Variants in AOAH observed in about 807,000 individuals in gnomAD.
The protein encoded by AOAH is acyloxyacyl hydrolase, also known as acyloxyacyl hydrolase (neutrophil).
A neutral mutation model predicts 92.2 loss-of-function variants in AOAH; 64 were observed. The ratio of observed to expected loss-of-function variants is 0.69; its 90% CI spans 0.57 to 0.86. The LOEUF is 0.86. Ranked by LOEUF, AOAH falls within the 40% of genes least tolerant of loss-of-function variation. The pLI is 0.00. For missense variants in AOAH, 656 were observed against 694.6 expected (o/e 0.94, Z 0.62); for synonymous variants, 263 against 254.5 (o/e 1.03, Z -0.32).
At chr7:36,609,091 C>A (rs113771486) in intron 11 of AOAH, among the ~76,000 whole-genome samples, 5 of 152,062 alleles carry the variant, frequency 3.3e-5, no homozygotes, top group Admixed American at 6.5e-5. Flanking sequence ...AACCCCAACC[C>A]GGTGAGTCAT....
At chr7:36,603,542 C>G (rs865822011) in intron 11 of AOAH, among the ~76,000 whole-genome samples, 1 of 152,202 alleles carries the variant, frequency 6.6e-6, no homozygotes, top group African/African-American at 2.4e-5. Context: ...AGGGCAGAGG[C>G]TGGCAAACTT....
rs2718179 is a variant in AOAH at position 36,603,656 on chromosome 7, C to T, written c.847-9226G>A. Reference sequence around the variant, plus strand: ...TTGTCATAGACAATATGTAAGTGAACGGGCATCGCTGTGTTCCAATGAAAC... The same window carrying T: ...TTGTCATAGACAATATGTAAGTGAATGGGCATCGCTGTGTTCCAATGAAAC... On this transcript the variant is annotated intron_variant, in intron 11 of 20. Transcript: ENST00000617537. Among the ~76,000 whole-genome samples the T allele has an allele frequency of 1.1e-4, 16 of 152,046 alleles. No homozygotes were observed. In the East Asian group the frequency reaches 2.1e-3, roughly 20 times the overall value.
intron 5 of AOAH, among the ~76,000 whole-genome samples, chr7:36,633,040 G>C (rs1011370783): frequency 6.6e-6 from 1 of 152,144 alleles, no homozygotes; most frequent in African/African-American, 2.4e-5. Flanking sequence ...CCCCAGCTCC[G>C]GGCACACCCT....
chr7:36,580,742 G>A (rs1417544101), intron 12 of AOAH, among the ~76,000 whole-genome samples: 1 of 152,148 alleles, frequency 6.6e-6, no homozygotes, highest in African/African-American at 2.4e-5. Context: ...TGTGCTTGTT[G>A]ACTACAGCCC....
intron 1 of AOAH, among the ~76,000 whole-genome samples, chr7:36,718,393 G>T (rs916801482): frequency 6.6e-6 from 1 of 152,086 alleles, no homozygotes; most frequent in Non-Finnish European, 1.5e-5. Context: ...AAAATAGTTT[G>T]GCAGTTCCTC....
intron 1 of AOAH, among the ~76,000 whole-genome samples, chr7:36,714,543 A>T (rs1391701513): frequency 6.6e-6 from 1 of 152,200 alleles, no homozygotes; most frequent in African/African-American, 2.4e-5. Flanking sequence ...ATTTTAGACC[A>T]ATATCCCTGA....
intron 16 of AOAH, among the ~76,000 whole-genome samples, chr7:36,537,045 AAGG>A (rs1344154283): frequency 6.6e-6 from 1 of 151,570 alleles, no homozygotes; most frequent in Non-Finnish European, 1.5e-5. Context: ...AGTCCTGTCA[AAGG>A]AGGCCTGGGG....
At chr7:36,664,058 A>T (rs1025988693) in intron 3 of AOAH, among the ~76,000 whole-genome samples, 2 of 150,592 alleles carry the variant, frequency 1.3e-5, no homozygotes, top group Non-Finnish European at 3.0e-5. Context: ...TTTTTTTTTT[A>T]AACTGGGTTG....
rs187036418 is a variant in AOAH, at chr7:36,657,985, C to A, written c.390+1181G>T. On this transcript the variant is annotated intron_variant, in intron 4 of 20. Coordinates refer to ENST00000617537, the MANE Select transcript of AOAH (RefSeq NM_001637.4). ...TACACAGAGACCCATTTCTTCCTTGCAATATCAAACAGAAAATATTATGAT... is the reference window on the plus strand; with the variant it reads ...TACACAGAGACCCATTTCTTCCTTGAAATATCAAACAGAAAATATTATGAT... 3.2e-3 allele frequency among the ~76,000 whole-genome samples: 481 copies of A among 152,162 alleles called. 1 individual carries two copies. The highest frequency in any genetic ancestry group is 0.011 in the African/African-American group (452 of 41,494).
chr7:36,557,731 C>A (rs1227589200), intron 13 of AOAH, among the ~76,000 whole-genome samples: 1 of 152,144 alleles, frequency 6.6e-6, no homozygotes, highest in African/African-American at 2.4e-5. Context: ...TCATTTCATT[C>A]ATTTCATCTT....
At chr7:36,652,979 A>AT (rs1290160315) in intron 4 of AOAH, among the ~76,000 whole-genome samples, 1 of 152,272 alleles carries the variant, frequency 6.6e-6, no homozygotes, top group Admixed American at 6.5e-5. Context: ...ATACAGTAGT[A>AT]ATACTGACTT....
chr7:36,551,012 G>A (rs938464158), intron 13 of AOAH, among the ~76,000 whole-genome samples: 1 of 151,732 alleles, frequency 6.6e-6, no homozygotes, highest in Non-Finnish European at 1.5e-5. Flanking sequence ...GGAAATGTTA[G>A]CACATTAAAT....
At chr7:36,625,471 G>A (rs1792587063) in intron 6 of AOAH, among the ~76,000 whole-genome samples, 1 of 152,188 alleles carries the variant, frequency 6.6e-6, no homozygotes, top group Non-Finnish European at 1.5e-5. Flanking sequence ...AAAGCCCCCA[G>A]TATTGGTCCT....
At chr7:36,610,508 T>C (rs1473468030) in intron 11 of AOAH, among the ~76,000 whole-genome samples, 1 of 102,950 alleles carries the variant, frequency 9.7e-6, no homozygotes, top group East Asian at 2.4e-4. Flanking sequence ...TTTTTTTTTT[T>C]TTTAAAAAAA....
Position 36,658,821 on chromosome 7 carries a change from C to G in AOAH, c.390+345G>C, listed in dbSNP as rs552128417. On this transcript the variant is annotated intron_variant, in intron 4 of 20. Coordinates refer to ENST00000617537, the MANE Select transcript of AOAH (RefSeq NM_001637.4). ...GTGCTCATGGCAGGAAAGTCCTGGG[C>G]AAACTGGCATGAGTTGCTCACTCTG... Among the ~76,000 whole-genome samples, 12 of 152,270 alleles carry G rather than the reference C, an allele frequency of 7.9e-5. No homozygotes were observed. The South Asian group carries it at 2.1e-3, about 26-fold the overall frequency.
At position 36,554,889 on chromosome 7, in the gene AOAH, G is replaced by A. The variant is rs1466423444; in HGVS notation, c.1022-5414C>T. Among the ~76,000 whole-genome samples the A allele has an allele frequency of 2.7e-5, 4 of 149,300 alleles. No individual in the cohort carries two copies. In the East Asian group the frequency reaches 7.8e-4, roughly 29 times the overall value. On this transcript the variant is annotated intron_variant, in intron 13 of 20. Transcript: ENST00000617537. ...TCAGCTTAAGGAGATTTTGGGCTGA[G>A]ACAATGGGGTTTTCTAGATATACAA...
At chr7:36,682,033 C>T (rs1452210345) in intron 2 of AOAH, among the ~76,000 whole-genome samples, 1 of 152,212 alleles carries the variant, frequency 6.6e-6, no homozygotes, top group Non-Finnish European at 1.5e-5. Flanking sequence ...AGATAGCTGA[C>T]AGGTGTTGAG....
chr7:36,686,737 A>G lies in AOAH; in HGVS notation c.185T>C (p.Val62Ala). 1 of 1,576,762 alleles carries G rather than the reference A, an allele frequency of 6.3e-7. No homozygotes were observed. Among genetic ancestry groups the G allele is most frequent in the Non-Finnish European group, 8.6e-7 (1 of 1,160,938 alleles). ...EQLAQVHNST[V>A]QASMERLCSY... ...GCACAGTCTCTCCATCGAGGCCTGGACCGTCGAGTTGTGAACTTGAGCAAG... is the reference window on the plus strand; with the variant it reads ...GCACAGTCTCTCCATCGAGGCCTGGGCCGTCGAGTTGTGAACTTGAGCAAG... Residue 62 changes from valine to alanine, a missense_variant, in exon 2 of 21, where the codon GTC becomes GCC. Val to Ala is a moderately conservative substitution (Grantham distance 64, BLOSUM62 0). Transcript: ENST00000617537.
At chr7:36,693,969 A>T (rs1296710201) in intron 1 of AOAH, among the ~76,000 whole-genome samples, 1 of 152,240 alleles carries the variant, frequency 6.6e-6, no homozygotes, top group Non-Finnish European at 1.5e-5. Flanking sequence ...CTTCTGAGGT[A>T]AATGCCAAAC....
Sources: gnomAD v4.1 joint callset for allele counts (sites outside exome capture counted in the v4.1 genomes callset) on GRCh38, gnomAD v4.1.1 for gene constraint, MANE v1.5 for transcripts, NCBI Gene and HGNC (gene_info 2026-07-23, HGNC 2026-07-21) for gene names.